Variants in MDGA2 observed in about 807,000 individuals in gnomAD.
The protein encoded by MDGA2 is MAM domain containing glycosylphosphatidylinositol anchor 2.
Under a neutral mutation model 117.8 loss-of-function variants are expected in MDGA2, and 40 were observed. The observed-to-expected ratio is 0.34, with a 90% CI of 0.26 to 0.44. The LOEUF (loss-of-function observed/expected upper bound fraction) is 0.44. Among genes scored for constraint, MDGA2 ranks in the 20% least tolerant of loss-of-function variants. MDGA2 has a pLI of 1.00. For synonymous variants in MDGA2, 452 were observed against 439.0 expected (o/e 1.03, Z -0.37); for missense variants, 1,123 against 1,250.6 (o/e 0.90, Z 1.54).
At chr14:47,274,865 T>A (rs1385735051) in intron 2 of MDGA2, among the ~76,000 whole-genome samples, 1 of 152,170 alleles carries the variant, frequency 6.6e-6, no homozygotes, top group Non-Finnish European at 1.5e-5. Context: ...GCATATCTTC[T>A]TTGGGGAAAT....
At chr14:47,018,286 C>T (rs1888155567) in intron 8 of MDGA2, among the ~76,000 whole-genome samples, 1 of 151,932 alleles carries the variant, frequency 6.6e-6, no homozygotes, top group African/African-American at 2.4e-5. Flanking sequence ...TGAGTTGTGC[C>T]TTCTGCTAGT....
intron 1 of MDGA2, among the ~76,000 whole-genome samples, chr14:47,456,911 A>T (rs1893367274): frequency 6.6e-6 from 1 of 152,114 alleles, no homozygotes; most frequent in Admixed American, 6.5e-5. Context: ...CAAAAAAAAA[A>T]ACAAACCCTC....
intron 1 of MDGA2, among the ~76,000 whole-genome samples, chr14:47,653,654 A>C (rs1027282254): frequency 2.6e-5 from 4 of 152,200 alleles, no homozygotes; most frequent in African/African-American, 9.6e-5. Context: ...TGTAGATGTA[A>C]TTAAAGTTGC....
At chr14:47,361,283 G>T (rs1891119818) in intron 1 of MDGA2, among the ~76,000 whole-genome samples, 1 of 151,140 alleles carries the variant, frequency 6.6e-6, no homozygotes, top group African/African-American at 2.4e-5. Flanking sequence ...GTGCGCAGAG[G>T]TACAACCATG....
chr14:47,354,419 A>T (rs1470149506), intron 1 of MDGA2, among the ~76,000 whole-genome samples: 1 of 152,178 alleles, frequency 6.6e-6, no homozygotes, highest in Non-Finnish European at 1.5e-5. Flanking sequence ...AGATCCAGAG[A>T]TGCCTGATTT....
At chr14:46,915,742 C>T (rs1016430340) in intron 10 of MDGA2, among the ~76,000 whole-genome samples, 7 of 152,074 alleles carry the variant, frequency 4.6e-5, no homozygotes, top group African/African-American at 1.2e-4. Context: ...GGAAGCAAAG[C>T]GGCAGGAGGC....
At chr14:47,018,145 CTT>C (rs11342451) in intron 8 of MDGA2, among the ~76,000 whole-genome samples, 5 of 151,034 alleles carry the variant, frequency 3.3e-5, no homozygotes, top group African/African-American at 7.3e-5. Context: ...GGGTAATTGA[CTT>C]TTTTTTTCCC....
intron 1 of MDGA2, among the ~76,000 whole-genome samples, chr14:47,652,867 A>G (rs759182702): frequency 3.2e-4 from 48 of 152,188 alleles, no homozygotes; most frequent in Non-Finnish European, 5.0e-4. Flanking sequence ...AATAAGAACT[A>G]TAACTCAGAG....
At chr14:47,091,771 T>G (rs1021249393) in intron 6 of MDGA2, among the ~76,000 whole-genome samples, 1 of 152,000 alleles carries the variant, frequency 6.6e-6, no homozygotes, top group Non-Finnish European at 1.5e-5. Flanking sequence ...TATCTGCCCA[T>G]AAAAATCTCC....
intron 1 of MDGA2, among the ~76,000 whole-genome samples, chr14:47,470,265 G>GCCCCCCCC (rs66485872): frequency 8.0e-6 from 1 of 124,856 alleles, no homozygotes; most frequent in Non-Finnish European, 1.7e-5. Flanking sequence ...CCTTCCCCCA[G>GCCCCCCCC]CCCCCCCACC....
chr14:47,304,833 T>A (rs1889391931), intron 1 of MDGA2, among the ~76,000 whole-genome samples: 1 of 152,110 alleles, frequency 6.6e-6, no homozygotes, highest in South Asian at 2.1e-4. Context: ...CAAAGAACCC[T>A]GAGATTTTAA....
At chr14:46,951,115 T>G (rs903441306) in intron 9 of MDGA2, among the ~76,000 whole-genome samples, 6 of 151,972 alleles carry the variant, frequency 3.9e-5, no homozygotes, top group Admixed American at 3.3e-4. Flanking sequence ...AAATACAGGA[T>G]GTGAAATCCT....
At chr14:47,084,271 A>G (rs1424197341) in intron 6 of MDGA2, among the ~76,000 whole-genome samples, 1 of 152,116 alleles carries the variant, frequency 6.6e-6, no homozygotes, top group Non-Finnish European at 1.5e-5. Context: ...ATTCTTGGAA[A>G]CTGAACAACA....
intron 1 of MDGA2, among the ~76,000 whole-genome samples, chr14:47,326,293 A>G (rs950918407): frequency 6.6e-6 from 1 of 152,122 alleles, no homozygotes; most frequent in Non-Finnish European, 1.5e-5. Context: ...GCCAAGAACT[A>G]TTCTATGCAC....
intron 2 of MDGA2, among the ~76,000 whole-genome samples, chr14:47,295,930 TAAGATAGATAGA>T (rs1889051546): frequency 9.3e-6 from 1 of 107,330 alleles, no homozygotes; most frequent in East Asian, 2.7e-4. Context: ...AGATAGATGA[TAAGATAGATAGA>T]TAGATAGATA....
At chr14:47,591,807 C>T (rs1385699873) in intron 1 of MDGA2, among the ~76,000 whole-genome samples, 2 of 152,024 alleles carry the variant, frequency 1.3e-5, no homozygotes, top group Non-Finnish European at 2.9e-5. Flanking sequence ...CCATATATGA[C>T]AAACCCTCAG....
At chr14:46,864,648 A>G (rs960184456) in intron 14 of MDGA2, among the ~76,000 whole-genome samples, 23 of 141,836 alleles carry the variant, frequency 1.6e-4, no homozygotes, top group African/African-American at 2.9e-4. Context: ...AATGTCTTCC[A>G]TCTATAGCAT....
chr14:46,981,025 T>TTTATTA (rs1033035412), intron 8 of MDGA2, among the ~76,000 whole-genome samples: 70 of 152,296 alleles, frequency 4.6e-4, no homozygotes, highest in African/African-American at 1.6e-3. Flanking sequence ...TTAAAAAGCC[T>TTTATTA]TTATTATTTG....
intron 8 of MDGA2, among the ~76,000 whole-genome samples, chr14:47,029,005 T>C (rs1343699960): frequency 6.6e-6 from 1 of 152,162 alleles, no homozygotes; most frequent in Non-Finnish European, 1.5e-5. Context: ...AGAACAATTT[T>C]GCTTTTAGAA....
Sources: allele counts gnomAD v4.1 joint callset (sites outside exome capture counted in the v4.1 genomes callset), GRCh38; gene constraint gnomAD v4.1.1; transcripts MANE v1.5; gene names NCBI Gene and HGNC (gene_info 2026-07-23, HGNC 2026-07-21).